C19orf47: variants seen among roughly 807,000 people sequenced by gnomAD.
The protein encoded by C19orf47 is uncharacterized protein C19orf47.
Under a neutral mutation model 32.3 loss-of-function variants are expected in C19orf47, and 18 were observed. The ratio of observed to expected loss-of-function variants is 0.56; its 90% CI spans 0.39 to 0.83. The LOEUF (loss-of-function observed/expected upper bound fraction) is 0.83, where lower values mean the gene tolerates loss of function less well. Ranked by LOEUF, C19orf47 falls within the 40% of genes least tolerant of loss-of-function variation. The pLI is 0.00. For missense variants in C19orf47, 484 were observed against 531.6 expected (o/e 0.91, Z 0.88); for synonymous variants, 202 against 211.1 (o/e 0.96, Z 0.37).
intron 5 of C19orf47, 42 bp downstream of exon 5, chr19:40,333,809 T>C (rs953437403): frequency 6.8e-7 from 1 of 1,460,752 alleles, no homozygotes; most frequent in East Asian, 2.6e-5. Flanking sequence ...ACTGACAGGG[T>C]ATAAAAATCA....
At chr19:40,308,128 T>G in the C19orf47 span, among the ~76,000 whole-genome samples, 3 of 151,944 alleles carry the variant, frequency 2.0e-5, no homozygotes, top group African/African-American at 7.3e-5. Flanking sequence ...CTCTGTAAAA[T>G]GTCTGGAGGG....
chr19:40,322,830 G>A (rs969357806), intron 8 of C19orf47, among the ~76,000 whole-genome samples: 4 of 152,202 alleles, frequency 2.6e-5, no homozygotes, highest in Non-Finnish European at 2.9e-5. Context: ...AGCGCTGCCC[G>A]CATGGGGCTC....
At chr19:40,326,559 G>A in intron 6 of C19orf47, 73 bp from the exon 7 acceptor site, 1 of 1,518,398 alleles carries the variant, frequency 6.6e-7, no homozygotes, top group Non-Finnish European at 8.9e-7. Flanking sequence ...CTGGACACTA[G>A]GTGTCCTTTA....
chr19:40,300,028 GAA>G, the C19orf47 span, among the ~76,000 whole-genome samples: 6 of 151,142 alleles, frequency 4.0e-5, no homozygotes, highest in African/African-American at 1.5e-4. Context: ...AACTCCATCT[GAA>G]AAAAGAGAGA....
chr19:40,301,313 T>TTTA, the C19orf47 span, among the ~76,000 whole-genome samples: 60 of 140,294 alleles, frequency 4.3e-4, no homozygotes, highest in African/African-American at 1.5e-3. Flanking sequence ...CTTGAGAGGC[T>TTTA]TTTATTTATT....
chr19:40,332,805 T>C (rs528257814), intron 5 of C19orf47, among the ~76,000 whole-genome samples: 18 of 152,056 alleles, frequency 1.2e-4, no homozygotes, highest in Non-Finnish European at 2.4e-4. Context: ...ACAGAGAACA[T>C]TTTGAGTTGC....
the C19orf47 span, among the ~76,000 whole-genome samples, chr19:40,311,725 G>A: frequency 6.6e-6 from 1 of 151,844 alleles, no homozygotes; most frequent in Non-Finnish European, 1.5e-5. Context: ...GCACAATCTC[G>A]GCTCACTGCA....
At chr19:40,310,143 C>T in the C19orf47 span, among the ~76,000 whole-genome samples, 1 of 151,750 alleles carries the variant, frequency 6.6e-6, no homozygotes, top group Admixed American at 6.6e-5. Context: ...CATAGATAAA[C>T]AAATGTAATA....
At chr19:40,312,794 A>T in the C19orf47 span, among the ~76,000 whole-genome samples, 1 of 152,230 alleles carries the variant, frequency 6.6e-6, no homozygotes, top group Admixed American at 6.5e-5. Flanking sequence ...CCCCCAAGTG[A>T]TAACAGCCTA....
chr19:40,321,603 G>C lies in C19orf47; in HGVS notation c.*279C>G. 8.2e-7 allele frequency: 1 copy of C among 1,223,818 alleles called. No individual in the cohort carries two copies. The highest frequency in any genetic ancestry group is 2.9e-5 in the South Asian group (1 of 35,006). The allele number at this position is 1,223,818 out of a possible 1,614,324, so 75.8% of individuals were successfully genotyped here. A position where few individuals can be genotyped will look rare whatever the true frequency, so the allele number is the denominator to read the frequency against. ...GGAAGAAGCCCCCTGGCACTTGGGA[G>C]AGGTAGAAAAGTGGGTTCTGCCAAG... On this transcript the variant is annotated 3_prime_UTR_variant, in exon 9 of 9. Coordinates refer to ENST00000683109, the MANE Select transcript of C19orf47 (RefSeq NM_001256441.2).
the C19orf47 span, among the ~76,000 whole-genome samples, chr19:40,310,082 G>A: frequency 2.0e-5 from 3 of 152,290 alleles, no homozygotes; most frequent in South Asian, 6.2e-4. Flanking sequence ...ATTGATAGCA[G>A]CATTATTCAC....
At chr19:40,314,261 C>T in the C19orf47 span, among the ~76,000 whole-genome samples, 1 of 152,148 alleles carries the variant, frequency 6.6e-6, no homozygotes, top group Admixed American at 6.6e-5. Flanking sequence ...AACCCCATCT[C>T]TATTAAAAAT....
chr19:40,341,844 G>A lies in C19orf47; in HGVS notation c.14C>T (p.Thr5Ile). The A allele has an allele frequency of 1.3e-6, 2 of 1,536,178 alleles. 1 individual carries two copies. The stretch of plus-strand genomic sequence containing the variant: ...AGAGAAGGCCACAGACTCACCCATA[G>A]TCACGGAGACCATCGTCTCCCTGGC... Reference protein sequence around the residue: MVSVTMATSEWIQFF... With the variant: MVSVIMATSEWIQFF... The change falls in exon 2 of 9, where the codon ACT becomes ATT. Residue 5 changes from threonine (T) to isoleucine (I), a missense_variant. Physicochemically the swap from Thr to Ile is moderately conservative, Grantham distance 89. Transcript: ENST00000683109.
At chr19:40,341,473 C>T (rs1381108057) in intron 2 of C19orf47, among the ~76,000 whole-genome samples, 1 of 152,170 alleles carries the variant, frequency 6.6e-6, no homozygotes, top group Admixed American at 6.5e-5. Flanking sequence ...AATAACAACA[C>T]CTAAGGTTTG....
chr19:40,330,731 C>G (rs921993334), intron 5 of C19orf47, among the ~76,000 whole-genome samples: 2 of 151,792 alleles, frequency 1.3e-5, no homozygotes, highest in Non-Finnish European at 2.9e-5. Context: ...ACTATGTTGC[C>G]CAGGCTGGTC....
At chr19:40,297,065 T>C in the C19orf47 span, among the ~76,000 whole-genome samples, 2 of 152,100 alleles carry the variant, frequency 1.3e-5, no homozygotes, top group African/African-American at 4.8e-5. Flanking sequence ...TAGGAAGTAA[T>C]CCAAATGCTT....
At chr19:40,334,207 G>A (rs891618745) in intron 4 of C19orf47, among the ~76,000 whole-genome samples, 5 of 152,168 alleles carry the variant, frequency 3.3e-5, no homozygotes, top group Non-Finnish European at 7.3e-5. Flanking sequence ...CCAGCACTTC[G>A]GGAGGCCGAA....
At chr19:40,338,346 T>A (rs1271239113) in intron 2 of C19orf47, among the ~76,000 whole-genome samples, 1 of 145,148 alleles carries the variant, frequency 6.9e-6, no homozygotes, top group Non-Finnish European at 1.5e-5. Flanking sequence ...CAAATATATA[T>A]ATACACACAC....
At chr19:40,311,148 G>A in the C19orf47 span, among the ~76,000 whole-genome samples, 13 of 151,986 alleles carry the variant, frequency 8.6e-5, no homozygotes, top group African/African-American at 1.2e-4. Context: ...AGGCCGAGGC[G>A]GGCGGATCAC....
Sources: gnomAD v4.1 joint callset for allele counts (sites outside exome capture counted in the v4.1 genomes callset) on GRCh38, gnomAD v4.1.1 for gene constraint, MANE v1.5 for transcripts, NCBI Gene and HGNC (gene_info 2026-07-23, HGNC 2026-07-21) for gene names.